The following THUMPD3 variants were observed in gnomAD, a reference collection of about 807,000 sequenced individuals.
THUMPD3 encodes the protein tRNA (guanine(6)-N(2))-methyltransferase THUMP3.
A neutral mutation model predicts 54.5 loss-of-function variants in THUMPD3; 44 were observed. That is an observed-to-expected ratio of 0.81 (90% CI 0.63 to 1.04). THUMPD3 has a LOEUF of 1.04. THUMPD3 is among the 50% of genes least tolerant of loss of function. The pLI, the probability that THUMPD3 is intolerant of heterozygous loss-of-function variation, is 0.00. For synonymous variants in THUMPD3, 196 were observed against 201.4 expected (o/e 0.97, Z 0.23); for missense variants, 604 against 601.3 (o/e 1.00, Z -0.05).
At chr3:9,366,032 G>C (rs2031537094) in intron 2 of THUMPD3, among the ~76,000 whole-genome samples, 1 of 152,114 alleles carries the variant, frequency 6.6e-6, no homozygotes, top group African/African-American at 2.4e-5. Flanking sequence ...TTTTAGAGGT[G>C]ATCTAGTATT....
In THUMPD3 at chr3:9,366,975, A is replaced by G. The variant is rs201935778; in HGVS notation, c.320A>G (p.Lys107Arg). The change falls in exon 3 of 10, where the codon AAA becomes AGA. Residue 107 changes from lysine to arginine, a missense_variant. By Grantham distance (26) the Lys-to-Arg change is conservative. Coordinates refer to ENST00000452837, the MANE Select transcript of THUMPD3 (RefSeq NM_001114092.2). ...CAGGAGTTTCAAGATTACCAGTTCA[A>G]ACAAACAAAGGTGAGCTATCCTAAA... ...VVQEFQDYQF[K>R]QTKEEVLKDF... The G allele has an allele frequency of 2.1e-4, 339 of 1,613,444 alleles. 2 individuals are homozygous for G. The highest frequency in any genetic ancestry group is 1.8e-4 in the Non-Finnish European group (208 of 1,179,742).
rs1489658255 is a variant in THUMPD3, at chr3:9,383,223, A to C, written c.1149A>C (p.Ile383=). The C allele has an allele frequency of 6.2e-7, 1 of 1,613,986 alleles. No homozygotes were observed. The highest frequency in any genetic ancestry group is 8.5e-7 in the Non-Finnish European group (1 of 1,179,852). Residue 383 remains isoleucine (I), a synonymous_variant, in exon 8 of 10, where the codon ATA becomes ATC. Transcript: ENST00000452837. The part of the protein sequence containing the change: ...KEGKPSWGLP[I]DAVQWDICNL... ...GCAAACCCTCCTGGGGCTTGCCCAT[A>C]GATGCTGTTCAGTGGGATATCTGCA...
chr3:9,383,127 T>A, intron 7 of THUMPD3, 72 bp from the exon 8 acceptor site: 1 of 1,062,062 alleles, frequency 9.4e-7, no homozygotes, highest in Non-Finnish European at 1.5e-6. Flanking sequence ...CAGTCTCTCT[T>A]CAGAAACAAA....
intron 8 of THUMPD3, 146 bp downstream of exon 8, chr3:9,383,455 T>TG: frequency 1.7e-6 from 1 of 600,364 alleles, no homozygotes; most frequent in Non-Finnish European, 3.0e-6. Flanking sequence ...CCCATTATGT[T>TG]TCTTCCGAGA....
Position 9,385,915 on chromosome 3 carries a change from G to A in THUMPD3, c.*1227G>A, listed in dbSNP as rs974734024. 6 of 152,148 alleles carry A rather than the reference G, an allele frequency of 3.9e-5. No homozygotes were observed. The highest frequency in any genetic ancestry group is 1.4e-4 in the African/African-American group (6 of 41,418). 9.4% of individuals were successfully genotyped at this position (152,148 alleles called of 1,614,324 possible). On this transcript the variant is annotated 3_prime_UTR_variant, in exon 10 of 10. Transcript: ENST00000452837. ...CCTTCTTGAGAGTTTTGTGGAAAAT[G>A]GTGCTTCCCTGGAACAAAGAGTAGT...
rs2033258182 is a variant in THUMPD3, at chr3:9,385,309, C to T, written c.*621C>T. On this transcript the variant is annotated 3_prime_UTR_variant, in exon 10 of 10. Transcript: ENST00000452837. ...TTTTCAGGCTTTATGGCCTATTTTC[C>T]ATTGTGTCAAGTGCAAAACTACCCT... The T allele has an allele frequency of 6.6e-6, 1 of 152,270 alleles. No individual in the cohort carries two copies. The highest frequency in any genetic ancestry group is 1.5e-5 in the Non-Finnish European group (1 of 68,120). 9.4% of individuals were successfully genotyped at this position (152,270 alleles called of 1,614,324 possible). A position where few individuals can be genotyped will look rare whatever the true frequency, so the allele number is the denominator to read the frequency against.
chr3:9,375,778 C>G (rs538022525), intron 5 of THUMPD3, among the ~76,000 whole-genome samples: 80 of 152,316 alleles, frequency 5.3e-4, no homozygotes, highest in African/African-American at 1.9e-3. Context: ...TCTCCTATTG[C>G]TCCTAGGCTA....
chr3:9,384,381 G>T (rs375934489), intron 9 of THUMPD3, 46 bp downstream of exon 9: 1 of 1,598,196 alleles, frequency 6.3e-7, no homozygotes. Flanking sequence ...GCAACTTTGG[G>T]ATCTTTTTGA....
chr3:9,379,214 GA>G (rs527878522), intron 6 of THUMPD3, among the ~76,000 whole-genome samples: 250 of 138,884 alleles, frequency 1.8e-3, no homozygotes, highest in Admixed American at 3.7e-3. Flanking sequence ...ATAGGTTTAG[GA>G]AAAAAAAAAA....
At chr3:9,368,811 G>C (rs2031782208) in intron 3 of THUMPD3, among the ~76,000 whole-genome samples, 2 of 152,184 alleles carry the variant, frequency 1.3e-5, no homozygotes, top group Non-Finnish European at 2.9e-5. Flanking sequence ...ATGCTATGCA[G>C]CTCCCTCCCT....
At chr3:9,376,772 A>G (rs949913597) in intron 5 of THUMPD3, among the ~76,000 whole-genome samples, 1 of 152,222 alleles carries the variant, frequency 6.6e-6, no homozygotes, top group African/African-American at 2.4e-5. Flanking sequence ...CATAAAGAGG[A>G]TAACAGTTAA....
Position 9,384,961 on chromosome 3 carries a change from G to A in THUMPD3, c.*273G>A, listed in dbSNP as rs1255107856. 2.4e-5 allele frequency: 8 copies of A among 340,158 alleles called. No individual in the cohort carries two copies. The highest frequency in any genetic ancestry group is 3.9e-5 in the Non-Finnish European group (7 of 180,498). 21.1% of individuals were successfully genotyped at this position (340,158 alleles called of 1,614,324 possible). A position where few individuals can be genotyped will look rare whatever the true frequency, so the allele number is the denominator to read the frequency against. ...CGGAGACCAGCCTGGCCAACATGGTGAAACCCTGTCTCTACTAGAAATACA... is the reference window on the plus strand; with the variant it reads ...CGGAGACCAGCCTGGCCAACATGGTAAAACCCTGTCTCTACTAGAAATACA... On this transcript the variant is annotated 3_prime_UTR_variant, in exon 10 of 10. Coordinates refer to ENST00000452837, the MANE Select transcript of THUMPD3 (RefSeq NM_001114092.2).
chr3:9,384,761 A>C lies in THUMPD3; in HGVS notation c.*73A>C. 1 of 1,574,352 alleles carries C rather than the reference A, an allele frequency of 6.4e-7. No homozygotes were observed. Among genetic ancestry groups the C allele is most frequent in the Non-Finnish European group, 8.7e-7 (1 of 1,152,532 alleles). On this transcript the variant is annotated 3_prime_UTR_variant, in exon 10 of 10. Coordinates refer to ENST00000452837, the MANE Select transcript of THUMPD3 (RefSeq NM_001114092.2). ...AAAAGAACTTGGAGAGGAAAAAAGT[A>C]TTAACAAAACTGCAGTCTGCACTCT...
rs2033274260 is a variant in THUMPD3, at chr3:9,385,531, T to A, written c.*843T>A. ...AAAGTTTACCATCTGCCTTAAATAT[T>A]AAAATATCCATCTGTTATTCACATT... is the stretch of plus-strand genomic sequence containing the variant. On this transcript the variant is annotated 3_prime_UTR_variant, in exon 10 of 10. Coordinates refer to ENST00000452837, the MANE Select transcript of THUMPD3 (RefSeq NM_001114092.2). 1 of 152,204 alleles carries A rather than the reference T, an allele frequency of 6.6e-6. No individual in the cohort carries two copies. Among genetic ancestry groups the A allele is most frequent in the African/African-American group, 2.4e-5 (1 of 41,444 alleles). 9.4% of individuals were successfully genotyped at this position (152,204 alleles called of 1,614,324 possible).
chr3:9,373,638 G>A (rs1448543792), intron 4 of THUMPD3, among the ~76,000 whole-genome samples: 1 of 152,234 alleles, frequency 6.6e-6, no homozygotes, highest in Non-Finnish European at 1.5e-5. Flanking sequence ...AGGAAGTGCT[G>A]TATGAGTATC....
At position 9,385,406 on chromosome 3, in the gene THUMPD3, A is replaced by C. The variant is rs538820925; in HGVS notation, c.*718A>C. 12 of 152,330 alleles carry C rather than the reference A, an allele frequency of 7.9e-5. No homozygotes were observed. The South Asian group carries it at 1.7e-3, about 21-fold the overall frequency. 9.4% of individuals were successfully genotyped at this position (152,330 alleles called of 1,614,324 possible). Reference sequence around the variant, plus strand: ...TCATTCTTTGCAGCTTTGCTAATCCAGTTGCTCAAGTTCTTTACCTCAACC... The same window carrying C: ...TCATTCTTTGCAGCTTTGCTAATCCCGTTGCTCAAGTTCTTTACCTCAACC... On this transcript the variant is annotated 3_prime_UTR_variant, in exon 10 of 10. Transcript: ENST00000452837.
Position 9,381,872 on chromosome 3 carries a change from C to T in THUMPD3, c.1124+1254C>T, listed in dbSNP as rs1184797765. ...TCGGCTCACTGCAAGCTCCGCCTCC[C>T]GGGTTCACGCCATTCTCCTGCCTCA... is the stretch of plus-strand genomic sequence containing the variant. On this transcript the variant is annotated intron_variant, in intron 7 of 9. Transcript: ENST00000452837. 3.4e-5 allele frequency among the ~76,000 whole-genome samples: 5 copies of T among 146,210 alleles called. 1 individual carries two copies. The South Asian group carries it at 8.8e-4, about 26-fold the overall frequency.
chr3:9,374,714 G>C, intron 5 of THUMPD3, 68 bp downstream of exon 5: 1 of 1,564,066 alleles, frequency 6.4e-7, no homozygotes. Flanking sequence ...TCAAAATACT[G>C]ATTTGTGTGT....
In THUMPD3 at chr3:9,377,822, C is replaced by G. The variant is rs58292063; in HGVS notation, c.942C>G (p.Leu314=). ...RSTLAYGMLR[L]CDPLPYDIIV... ...TAGGCTGTTTTCTTTTCTCTAGGCT[C>G]TGTGATCCTCTACCTTATGATATAA... The change falls in exon 6 of 10, where the codon CTC becomes CTG. Residue 314 remains leucine, a synonymous_variant. Transcript: ENST00000452837. The G allele has an allele frequency of 4.2e-4, 678 of 1,613,490 alleles. 5 individuals carry two copies. In the African/African-American group the frequency reaches 8.5e-3, roughly 20 times the overall value.
Sources: gnomAD v4.1 joint callset for allele counts (sites outside exome capture counted in the v4.1 genomes callset) on GRCh38, gnomAD v4.1.1 for gene constraint, MANE v1.5 for transcripts, NCBI Gene and HGNC (gene_info 2026-07-23, HGNC 2026-07-21) for gene names.